Variants in CDKAL1 observed in about 807,000 individuals in gnomAD.
CDKAL1 encodes CDKAL1 threonylcarbamoyladenosine tRNA methylthiotransferase, also known as threonylcarbamoyladenosine tRNA methylthiotransferase.
A neutral mutation model predicts 68.2 loss-of-function variants in CDKAL1; 32 were observed. That is an observed-to-expected ratio of 0.47 (90% CI 0.35 to 0.63). The LOEUF (loss-of-function observed/expected upper bound fraction) is 0.63, where lower values mean the gene tolerates loss of function less well. Ranked by LOEUF, CDKAL1 falls within the 30% of genes least tolerant of loss-of-function variation. The pLI is 0.00. For missense variants in CDKAL1, 606 were observed against 696.7 expected (o/e 0.87, Z 1.47); for synonymous variants, 234 against 244.3 (o/e 0.96, Z 0.39).
rs1373012539 is a variant in CDKAL1 at position 20,727,173 on chromosome 6, A to G, written c.372-12346A>G. On this transcript the variant is annotated intron_variant, in intron 5 of 15. Transcript: ENST00000274695. Reference sequence around the variant, plus strand: ...CAGCCAGGCCCTGAACCCTTGACCCACAGGTAACTGTTTCCTTAACTTTAG... The same window carrying G: ...CAGCCAGGCCCTGAACCCTTGACCCGCAGGTAACTGTTTCCTTAACTTTAG... Among the ~76,000 whole-genome samples, 3 of 152,124 alleles carry G rather than the reference A, an allele frequency of 2.0e-5. No individual in the cohort carries two copies. In the East Asian group the frequency reaches 5.8e-4, roughly 29 times the overall value.
intron 9 of CDKAL1, among the ~76,000 whole-genome samples, chr6:20,896,613 GT>G (rs1372460743): frequency 6.6e-6 from 1 of 152,130 alleles, no homozygotes; most frequent in Non-Finnish European, 1.5e-5. Context: ...CATGGTTTGA[GT>G]TTTTTGGCTT....
At chr6:21,130,846 T>C (rs1205137181) in intron 13 of CDKAL1, among the ~76,000 whole-genome samples, 4 of 152,074 alleles carry the variant, frequency 2.6e-5, no homozygotes, top group Non-Finnish European at 5.9e-5. Flanking sequence ...GGCAGCAAGG[T>C]AGTGAGAAGA....
intron 12 of CDKAL1, among the ~76,000 whole-genome samples, chr6:21,068,456 A>G (rs930135389): frequency 9.2e-5 from 14 of 152,130 alleles, no homozygotes; most frequent in African/African-American, 3.4e-4. Flanking sequence ...CTCGGAAGCT[A>G]TCCATTTGAG....
chr6:20,987,381 A>G (rs373342163), intron 10 of CDKAL1, among the ~76,000 whole-genome samples: 23 of 151,580 alleles, frequency 1.5e-4, no homozygotes, highest in African/African-American at 5.6e-4. Flanking sequence ...CAGCCTCCTG[A>G]GCAGCTGGGA....
rs928818909 is a variant in CDKAL1 at position 20,937,284 on chromosome 6, G to A, written c.743-18135G>A. ...GTATTTTTTGTAGAAATGGGGTTTC[G>A]CCATGTTGCCCAGGCTGGTCTCAAA... On this transcript the variant is annotated intron_variant, in intron 9 of 15. Transcript: ENST00000274695. Among the ~76,000 whole-genome samples, 4 of 152,114 alleles carry A rather than the reference G, an allele frequency of 2.6e-5. No individual in the cohort carries two copies. In the East Asian group the frequency reaches 5.8e-4, roughly 22 times the overall value.
intron 8 of CDKAL1, among the ~76,000 whole-genome samples, chr6:20,783,353 G>T (rs1581572412): frequency 6.6e-6 from 1 of 152,262 alleles, no homozygotes; most frequent in Non-Finnish European, 1.5e-5. Context: ...TCTCTGCATG[G>T]TAACTTTCCA....
At chr6:21,016,959 A>ATAAAAACGT (rs1768374432) in intron 11 of CDKAL1, among the ~76,000 whole-genome samples, 1 of 152,204 alleles carries the variant, frequency 6.6e-6, no homozygotes, top group Non-Finnish European at 1.5e-5. Context: ...TCTTTCTAAA[A>ATAAAAACGT]TAAAAACGTT....
chr6:20,600,359 T>G (rs1766028989), intron 4 of CDKAL1, among the ~76,000 whole-genome samples: 1 of 152,168 alleles, frequency 6.6e-6, no homozygotes, highest in Non-Finnish European at 1.5e-5. Flanking sequence ...AGAACAGTGA[T>G]TGCCTCAGAT....
chr6:20,534,763 C>T (rs1165523012), intron 1 of CDKAL1, among the ~76,000 whole-genome samples, 189 bp downstream of exon 1: 1 of 152,104 alleles, frequency 6.6e-6, no homozygotes, highest in Non-Finnish European at 1.5e-5. Flanking sequence ...AGGATAGGGT[C>T]GTTGGCCTCA....
At chr6:20,549,898 C>T (rs921634203) in intron 4 of CDKAL1, among the ~76,000 whole-genome samples, 5 of 152,080 alleles carry the variant, frequency 3.3e-5, no homozygotes, top group African/African-American at 4.8e-5. Flanking sequence ...TGAGCCACTG[C>T]GCCCAGCCTC....
intron 3 of CDKAL1, among the ~76,000 whole-genome samples, chr6:20,547,555 G>T (rs1295061779): frequency 6.6e-6 from 1 of 152,086 alleles, no homozygotes; most frequent in Admixed American, 6.5e-5. Context: ...TAATTATATG[G>T]TTTTAATAAG....
At chr6:21,057,820 CT>C (rs1336212078) in intron 11 of CDKAL1, among the ~76,000 whole-genome samples, 2 of 152,086 alleles carry the variant, frequency 1.3e-5, no homozygotes, top group East Asian at 3.8e-4. Context: ...AGTTGTGTGG[CT>C]TTAAGTGAGT....
At chr6:20,567,588 T>C (rs1170858031) in intron 4 of CDKAL1, among the ~76,000 whole-genome samples, 4 of 152,096 alleles carry the variant, frequency 2.6e-5, no homozygotes, top group Non-Finnish European at 5.9e-5. Context: ...TCAGACAGAA[T>C]GGGGTGATGT....
chr6:21,052,957 G>T (rs1048582257), intron 11 of CDKAL1, among the ~76,000 whole-genome samples: 2 of 152,216 alleles, frequency 1.3e-5, no homozygotes, highest in East Asian at 1.9e-4. Flanking sequence ...CTTCAGAAAG[G>T]TATTTTTTTT....
chr6:20,976,984 C>G (rs902608122), intron 10 of CDKAL1, among the ~76,000 whole-genome samples: 21 of 152,130 alleles, frequency 1.4e-4, no homozygotes, highest in African/African-American at 5.1e-4. Flanking sequence ...TTTTGGCAGA[C>G]ATAATACACT....
chr6:20,779,717 TG>T (rs1405446800), intron 7 of CDKAL1, among the ~76,000 whole-genome samples: 2 of 152,182 alleles, frequency 1.3e-5, no homozygotes, highest in Non-Finnish European at 2.9e-5. Context: ...CTCGAGTAGT[TG>T]GGTTTACAGG....
At chr6:20,540,367 C>A (rs1763343141) in intron 2 of CDKAL1, among the ~76,000 whole-genome samples, 3 of 152,002 alleles carry the variant, frequency 2.0e-5, no homozygotes, top group Non-Finnish European at 2.9e-5. Flanking sequence ...GCCACTGCGC[C>A]CAGCCAGGAT....
chr6:21,072,554 CAAAAAA>C (rs71540611), intron 12 of CDKAL1, among the ~76,000 whole-genome samples: 8 of 44,484 alleles, frequency 1.8e-4, no homozygotes, highest in African/African-American at 4.2e-4. Flanking sequence ...GACTCCGTCT[CAAAAAA>C]AAAAAAAAAA....
At chr6:21,035,154 A>G (rs1769506205) in intron 11 of CDKAL1, among the ~76,000 whole-genome samples, 1 of 152,154 alleles carries the variant, frequency 6.6e-6, no homozygotes, top group Non-Finnish European at 1.5e-5. Context: ...ATTTTAGCAT[A>G]TTCTTCTCTA....
Sources: allele counts gnomAD v4.1 joint callset (sites outside exome capture counted in the v4.1 genomes callset), GRCh38; gene constraint gnomAD v4.1.1; transcripts MANE v1.5; gene names NCBI Gene and HGNC (gene_info 2026-07-23, HGNC 2026-07-21).